Variants in NPRL3 observed in about 807,000 individuals in gnomAD.
NPRL3 encodes NPR3 like, GATOR1 complex subunit, also known as GATOR1 complex protein NPRL3.
A neutral mutation model predicts 57.2 loss-of-function variants in NPRL3; 23 were observed. That is an observed-to-expected ratio of 0.40 (90% confidence interval 0.29 to 0.57). The LOEUF is 0.57. Among genes scored for constraint, NPRL3 ranks in the 20% least tolerant of loss-of-function variants. The probability of loss-of-function intolerance (pLI) is 0.42; values close to 1 mark genes in which losing one functional copy is unlikely to be tolerated. For missense variants in NPRL3, 691 were observed against 767.1 expected (o/e 0.90, Z 1.17); for synonymous variants, 333 against 321.1 (o/e 1.04, Z -0.39).
chr16:132,693 G>A (rs1243610883), intron 2 of NPRL3, among the ~76,000 whole-genome samples: 14 of 143,182 alleles, frequency 9.8e-5, no homozygotes, highest in African/African-American at 1.3e-4. Context: ...TTTTTGAGAC[G>A]GAGTCTCGCT....
chr16:121,910 G>A lies in NPRL3; in HGVS notation c.189-2655C>T, dbSNP rs890088668. ...CTGCCTCAGCCTCCCGAGTAGCTGC[G>A]ATTAGAGGCACCCGCCACCACGCCC... is the stretch of plus-strand genomic sequence containing the variant. On this transcript the variant is annotated intron_variant, in intron 3 of 13. Transcript: ENST00000611875. Among the ~76,000 whole-genome samples the A allele has an allele frequency of 2.0e-5, 3 of 151,622 alleles. No individual in the cohort carries two copies. The South Asian group carries it at 6.2e-4, about 32-fold the overall frequency.
At chr16:105,058 C>T (rs1899469575) in intron 7 of NPRL3, among the ~76,000 whole-genome samples, 1 of 150,828 alleles carries the variant, frequency 6.6e-6, no homozygotes, top group Non-Finnish European at 1.5e-5. Context: ...TCTGAAAACA[C>T]TCTGGAGGAA....
chr16:123,780 A>G (rs1050185024), intron 3 of NPRL3, among the ~76,000 whole-genome samples: 1 of 147,098 alleles, frequency 6.8e-6, no homozygotes, highest in Non-Finnish European at 1.5e-5. Context: ...AAACAGGGTC[A>G]CACACTCCCC....
intron 9 of NPRL3, among the ~76,000 whole-genome samples, chr16:95,599 G>A (rs544755837): frequency 5.3e-5 from 8 of 151,814 alleles, no homozygotes; most frequent in Non-Finnish European, 1.0e-4. Context: ...TTTGAGACTG[G>A]GTCTTGCTCT....
intron 2 of NPRL3, among the ~76,000 whole-genome samples, chr16:131,166 C>T (rs1436808944): frequency 2.0e-5 from 3 of 152,176 alleles, no homozygotes; most frequent in East Asian, 1.9e-4. Flanking sequence ...GAAACCCCGT[C>T]TCTACTAAAA....
intron 2 of NPRL3, among the ~76,000 whole-genome samples, chr16:132,142 G>T (rs972271653): frequency 4.6e-5 from 7 of 151,934 alleles, no homozygotes; most frequent in African/African-American, 1.2e-4. Context: ...GAGTAGCTGG[G>T]ACTACAGGCA....
intron 5 of NPRL3, among the ~76,000 whole-genome samples, chr16:116,927 A>C (rs1900066647): frequency 4.0e-5 from 6 of 151,764 alleles, no homozygotes; most frequent in Admixed American, 3.9e-4. Context: ...TTGAGCCAAG[A>C]TTGCGCTACT....
chr16:128,093 G>C (rs1900625098), intron 3 of NPRL3, among the ~76,000 whole-genome samples: 1 of 151,076 alleles, frequency 6.6e-6, no homozygotes, highest in African/African-American at 2.4e-5. Flanking sequence ...CCAAGTTCAA[G>C]TGATTCTCCT....
In NPRL3 at chr16:86,307, A is replaced by G. The variant is rs761403675; in HGVS notation, c.*398T>C. ...ACAGGCCACACAAGTGTTTCTGCAC[A>G]TTCTTCAGGGTGGCCACAGACTGGG... On this transcript the variant is annotated 3_prime_UTR_variant, in exon 14 of 14. Transcript: ENST00000611875. The G allele has an allele frequency of 9.9e-6, 2 of 202,000 alleles. No individual in the cohort carries two copies. The highest frequency in any genetic ancestry group is 2.3e-5 in the African/African-American group (1 of 43,646). The allele number at this position is 202,000 out of a possible 1,614,324, so 12.5% of individuals were successfully genotyped here. A position where few individuals can be genotyped will look rare whatever the true frequency, so the allele number is the denominator to read the frequency against.
intron 9 of NPRL3, 110 bp downstream of exon 9, chr16:98,035 G>T (rs942765420): frequency 8.8e-6 from 12 of 1,358,476 alleles, no homozygotes; most frequent in South Asian, 5.4e-5. Context: ...GGGCTGTGCC[G>T]CGGCTCTCAG....
At chr16:121,857 C>G (rs1469432790) in intron 3 of NPRL3, among the ~76,000 whole-genome samples, 1 of 151,944 alleles carries the variant, frequency 6.6e-6, no homozygotes, top group East Asian at 1.9e-4. Context: ...TCACTGCAAC[C>G]TCCGCCTCCC....
At chr16:106,211 G>C (rs1567137092) in intron 7 of NPRL3, among the ~76,000 whole-genome samples, 1 of 152,204 alleles carries the variant, frequency 6.6e-6, no homozygotes, top group Non-Finnish European at 1.5e-5. Context: ...AGGAGGCTGA[G>C]GCAGGAGAAT....
chr16:114,856 G>T (rs1899961022), intron 5 of NPRL3, among the ~76,000 whole-genome samples: 1 of 151,980 alleles, frequency 6.6e-6, no homozygotes. Flanking sequence ...TTGAAATAGA[G>T]AGAGGGAAGG....
intron 5 of NPRL3, among the ~76,000 whole-genome samples, chr16:113,802 C>A (rs1479775829): frequency 3.3e-5 from 5 of 152,216 alleles, no homozygotes; most frequent in Non-Finnish European, 7.3e-5. Flanking sequence ...AGGGGCAAAG[C>A]CTGACCCAGA....
rs978342878 is a variant in NPRL3 at position 112,600 on chromosome 16, C to T, written c.547+22G>A. The T allele has an allele frequency of 9.8e-6, 15 of 1,527,282 alleles. No homozygotes were observed. In the African/African-American group the frequency reaches 2.1e-4, roughly 21 times the overall value. The allele number at this position is 1,527,282 out of a possible 1,614,324, so 94.6% of individuals were successfully genotyped here. A position where few individuals can be genotyped will look rare whatever the true frequency, so the allele number is the denominator to read the frequency against. On this transcript the variant is annotated intron_variant, in intron 6 of 13. Coordinates refer to ENST00000611875, the MANE Select transcript of NPRL3 (RefSeq NM_001077350.3). Reference sequence around the variant, plus strand: ...CCACCAGCCAGCCCAGACCCATGCCCATCACGCCCTGCTGCACTCACCATC... The same window carrying T: ...CCACCAGCCAGCCCAGACCCATGCCTATCACGCCCTGCTGCACTCACCATC...
At chr16:88,990 C>A in intron 12 of NPRL3, 100 bp from the exon 13 acceptor site, 1 of 1,079,838 alleles carries the variant, frequency 9.3e-7, no homozygotes, top group South Asian at 1.5e-5. Flanking sequence ...ACACCCCTAA[C>A]TCCTACAAGG....
intron 2 of NPRL3, among the ~76,000 whole-genome samples, chr16:131,929 T>C (rs1054180066): frequency 7.0e-4 from 106 of 152,122 alleles, no homozygotes; most frequent in Admixed American, 6.6e-3. Context: ...ATATTCGAAA[T>C]CTCTGTTGTC....
intron 2 of NPRL3, among the ~76,000 whole-genome samples, chr16:133,473 G>A (rs1326008177): frequency 2.6e-5 from 4 of 151,742 alleles, no homozygotes; most frequent in Non-Finnish European, 5.9e-5. Flanking sequence ...CTCGTGATCC[G>A]CCCGCCTCGG....
At chr16:113,684 C>A (rs555766374) in intron 5 of NPRL3, among the ~76,000 whole-genome samples, 16 of 152,246 alleles carry the variant, frequency 1.1e-4, no homozygotes, top group African/African-American at 3.1e-4. Context: ...GGAGGTGGGA[C>A]AAGGGAAAGG....
Sources: gnomAD v4.1 joint callset for allele counts (sites outside exome capture counted in the v4.1 genomes callset) on GRCh38, gnomAD v4.1.1 for gene constraint, MANE v1.5 for transcripts, NCBI Gene and HGNC (gene_info 2026-07-23, HGNC 2026-07-21) for gene names.